Variants in PRKD1 observed in about 807,000 individuals in gnomAD.
The protein encoded by PRKD1 is protein kinase D1.
Under a neutral mutation model 95.9 loss-of-function variants are expected in PRKD1, and 63 were observed. The observed-to-expected ratio is 0.66, with a 90% confidence interval of 0.54 to 0.81. The LOEUF is 0.81. Among genes scored for constraint, PRKD1 ranks in the 30% least tolerant of loss-of-function variants. The pLI, the probability that PRKD1 is intolerant of heterozygous loss-of-function variation, is 0.00. For synonymous variants in PRKD1, 425 were observed against 423.1 expected (o/e 1.00, Z -0.05); for missense variants, 1,048 against 1,165.3 (o/e 0.90, Z 1.47).
chr14:29,593,785 T>A (rs939532155), intron 16 of PRKD1, among the ~76,000 whole-genome samples: 1 of 152,184 alleles, frequency 6.6e-6, no homozygotes, highest in Non-Finnish European at 1.5e-5. Flanking sequence ...TACAGATAGG[T>A]TTCTGTTATT....
intron 1 of PRKD1, among the ~76,000 whole-genome samples, chr14:29,885,793 C>T (rs917938340): frequency 1.6e-4 from 18 of 114,730 alleles, no homozygotes; most frequent in African/African-American, 5.5e-4. Flanking sequence ...ATGGTGAAAC[C>T]CCATCTTTAC....
chr14:29,692,041 T>A (rs1482644341), intron 2 of PRKD1, among the ~76,000 whole-genome samples: 1 of 152,172 alleles, frequency 6.6e-6, no homozygotes, highest in Non-Finnish European at 1.5e-5. Flanking sequence ...CTTTCATGGA[T>A]GTGTATAAAT....
chr14:29,622,364 T>TTTCCCTTCCTTC (rs1258685907), intron 13 of PRKD1, among the ~76,000 whole-genome samples: 4 of 36,396 alleles, frequency 1.1e-4, no homozygotes, highest in Non-Finnish European at 1.6e-4. Context: ...GGTGTATTTT[T>TTTCCCTTCCTTC]CTCCCTTCCT....
At chr14:29,676,487 TGGG>T (rs1883228077) in intron 2 of PRKD1, among the ~76,000 whole-genome samples, 1 of 152,174 alleles carries the variant, frequency 6.6e-6, no homozygotes, top group Non-Finnish European at 1.5e-5. Flanking sequence ...CCCGAATAGC[TGGG>T]TTTACAGGCA....
chr14:29,747,440 A>G (rs1184522129), intron 1 of PRKD1, among the ~76,000 whole-genome samples: 2 of 151,988 alleles, frequency 1.3e-5, no homozygotes, highest in Non-Finnish European at 2.9e-5. Flanking sequence ...CAGCAACTCC[A>G]CTCCTAGGTA....
chr14:29,585,770 TTTTACAATG>T (rs1322840539), intron 16 of PRKD1, among the ~76,000 whole-genome samples: 1 of 152,208 alleles, frequency 6.6e-6, no homozygotes, highest in Non-Finnish European at 1.5e-5. Context: ...ATTATGTTTA[TTTTACAATG>T]TTCGTTTTAA....
chr14:29,642,670 C>T (rs1880863622), intron 4 of PRKD1, among the ~76,000 whole-genome samples: 1 of 152,146 alleles, frequency 6.6e-6, no homozygotes, highest in Non-Finnish European at 1.5e-5. Context: ...CATTAACTTA[C>T]TACATTTTCT....
chr14:29,717,795 G>A (rs993029396), intron 2 of PRKD1, among the ~76,000 whole-genome samples: 1 of 152,078 alleles, frequency 6.6e-6, no homozygotes, highest in Admixed American at 6.6e-5. Context: ...GAAATAAGAG[G>A]CTTCAAGACT....
intron 1 of PRKD1, among the ~76,000 whole-genome samples, chr14:29,846,798 G>A (rs1892095512): frequency 6.6e-6 from 1 of 152,200 alleles, no homozygotes; most frequent in Admixed American, 6.5e-5. Flanking sequence ...ATAAAAATGA[G>A]TAGAAGGAGT....
chr14:29,740,054 A>C (rs559226168), intron 1 of PRKD1, among the ~76,000 whole-genome samples: 2 of 152,206 alleles, frequency 1.3e-5, no homozygotes, highest in Non-Finnish European at 2.9e-5. Context: ...ATTGTTGTGT[A>C]AAAACATATT....
Position 29,622,536 on chromosome 14 carries a change from G to A in PRKD1, c.1905+1616C>T, listed in dbSNP as rs145594994. Reference sequence around the variant, plus strand: ...TCCTACCTCAGCCTTCAGAGTAGCCGGGACTACAGGCACCTGCCACCACAC... The same window carrying A: ...TCCTACCTCAGCCTTCAGAGTAGCCAGGACTACAGGCACCTGCCACCACAC... On this transcript the variant is annotated intron_variant, in intron 13 of 17. Transcript: ENST00000331968. Among the ~76,000 whole-genome samples, 1,432 of 151,462 alleles carry A rather than the reference G, an allele frequency of 9.5e-3. 33 individuals carry two copies. The highest frequency in any genetic ancestry group is 0.031 in the African/African-American group (1,284 of 41,040).
chr14:29,869,892 T>A (rs1428486421), intron 1 of PRKD1, among the ~76,000 whole-genome samples: 2 of 152,192 alleles, frequency 1.3e-5, no homozygotes, highest in Non-Finnish European at 2.9e-5. Context: ...AAGATTGCCA[T>A]GGCAGGGGGT....
intron 4 of PRKD1, among the ~76,000 whole-genome samples, chr14:29,646,913 C>T (rs1486113883): frequency 6.6e-6 from 1 of 152,104 alleles, no homozygotes; most frequent in Non-Finnish European, 1.5e-5. Flanking sequence ...TGTTTCCAGG[C>T]TCTATAATTC....
chr14:29,808,274 A>ATGAAC (rs1179487053), intron 1 of PRKD1, among the ~76,000 whole-genome samples: 6 of 151,784 alleles, frequency 4.0e-5, no homozygotes. Flanking sequence ...GATTCTATCA[A>ATGAAC]AAGAAATGAC....
At chr14:29,884,459 T>A (rs1188139837) in intron 1 of PRKD1, among the ~76,000 whole-genome samples, 1 of 152,198 alleles carries the variant, frequency 6.6e-6, no homozygotes, top group East Asian at 1.9e-4. Context: ...AATTATTTTT[T>A]CTGCAATTTA....
intron 4 of PRKD1, among the ~76,000 whole-genome samples, chr14:29,663,398 A>C (rs929516581): frequency 1.3e-5 from 2 of 151,942 alleles, no homozygotes; most frequent in Admixed American, 6.6e-5. Context: ...TGGTTTCCAA[A>C]TTTTGACAAG....
chr14:29,766,624 A>G (rs1352297895), intron 1 of PRKD1, among the ~76,000 whole-genome samples: 2 of 152,142 alleles, frequency 1.3e-5, no homozygotes, highest in African/African-American at 4.8e-5. Context: ...ATGTATGTAT[A>G]CTCCAATGGA....
intron 1 of PRKD1, among the ~76,000 whole-genome samples, chr14:29,748,705 A>T (rs145333260): frequency 6.6e-6 from 1 of 152,222 alleles, no homozygotes; most frequent in Non-Finnish European, 1.5e-5. Flanking sequence ...TGCCAAGCAC[A>T]TAATAGGTAT....
chr14:29,813,401 G>A (rs2139249166), intron 1 of PRKD1, among the ~76,000 whole-genome samples: 1 of 152,206 alleles, frequency 6.6e-6, no homozygotes, highest in East Asian at 1.9e-4. Context: ...CCCATCAGAT[G>A]GTGAAACATC....
Sources: allele counts gnomAD v4.1 joint callset (sites outside exome capture counted in the v4.1 genomes callset), GRCh38; gene constraint gnomAD v4.1.1; transcripts MANE v1.5; gene names NCBI Gene and HGNC (gene_info 2026-07-23, HGNC 2026-07-21).